ZZZ3: variants seen among roughly 807,000 people sequenced by gnomAD.
The protein encoded by ZZZ3 is zinc finger ZZ-type containing 3, also known as ZZ-type zinc finger-containing protein 3.
ZZZ3 carries 22 observed loss-of-function variants against 95.2 expected under a neutral mutation model. The observed-to-expected ratio is 0.23, with a 90% CI of 0.17 to 0.33. The LOEUF (loss-of-function observed/expected upper bound fraction) is 0.33, where lower values mean the gene tolerates loss of function less well. Among genes scored for constraint, ZZZ3 ranks in the 10% least tolerant of loss-of-function variants. ZZZ3 has a pLI of 1.00. For synonymous variants in ZZZ3, 335 were observed against 358.9 expected (o/e 0.93, Z 0.75); for missense variants, 885 against 1,066.5 (o/e 0.83, Z 2.37).
intron 5 of ZZZ3, among the ~76,000 whole-genome samples, chr1:77,618,231 G>A (rs1666505660): frequency 8.1e-6 from 1 of 122,742 alleles, no homozygotes; most frequent in Admixed American, 9.1e-5. Context: ...GACCAATGCA[G>A]CCTTTTTTTT....
At chr1:77,682,695 A>G (rs1189294654), upstream of ZZZ3, 1 of 152,090 alleles carries the variant, frequency 6.6e-6, no homozygotes, top group African/African-American at 2.4e-5. Context: ...CGCGATACAA[A>G]CCCACTCGCA....
chr1:77,601,416 T>C (rs762257878), intron 5 of ZZZ3, among the ~76,000 whole-genome samples: 1 of 152,122 alleles, frequency 6.6e-6, no homozygotes, highest in Admixed American at 6.6e-5. Context: ...AGAATCAAGT[T>C]ATTCAAGAAA....
At chr1:77,659,550 G>C (rs1031355515) in intron 1 of ZZZ3, among the ~76,000 whole-genome samples, 1 of 151,736 alleles carries the variant, frequency 6.6e-6, no homozygotes, top group Admixed American at 6.6e-5. Flanking sequence ...AGCCAGGCGT[G>C]GGGGCACGTG....
At chr1:77,578,960 T>C (rs565260532) in intron 10 of ZZZ3, 91 bp from the exon 11 acceptor site, 42 of 565,936 alleles carry the variant, frequency 7.4e-5, no homozygotes, top group Admixed American at 3.7e-4. Context: ...GAGTATCTAA[T>C]GAATGCTAAG....
intron 5 of ZZZ3, among the ~76,000 whole-genome samples, chr1:77,630,886 A>G (rs1667742814): frequency 3.3e-5 from 5 of 152,184 alleles, no homozygotes; most frequent in Admixed American, 3.3e-4. Flanking sequence ...ACCACTAGAA[A>G]TGTTCCTCAA....
At chr1:77,651,196 C>T (rs898844445) in intron 1 of ZZZ3, among the ~76,000 whole-genome samples, 2 of 151,956 alleles carry the variant, frequency 1.3e-5, no homozygotes, top group Admixed American at 6.6e-5. Flanking sequence ...CCAGCCTGGG[C>T]AACAAAGAGA....
At chr1:77,572,597 C>A (rs570691230) in intron 12 of ZZZ3, among the ~76,000 whole-genome samples, 3 of 152,060 alleles carry the variant, frequency 2.0e-5, no homozygotes, top group Non-Finnish European at 4.4e-5. Flanking sequence ...CTCGGCCTCC[C>A]AAAATGCTGG....
chr1:77,610,820 C>T (rs1190696468), intron 5 of ZZZ3, among the ~76,000 whole-genome samples: 1 of 151,052 alleles, frequency 6.6e-6, no homozygotes, highest in African/African-American at 2.4e-5. Context: ...ACCTCAACAC[C>T]CTCAACACAA....
chr1:77,563,082 T>C lies in ZZZ3; in HGVS notation c.*2558A>G, dbSNP rs1050924340. 6.6e-6 allele frequency: 1 copy of C among 152,166 alleles called. No individual in the cohort carries two copies. Among genetic ancestry groups the C allele is most frequent in the Non-Finnish European group, 1.5e-5 (1 of 67,998 alleles). The allele number at this position is 152,166 out of a possible 1,614,324, so 9.4% of individuals were successfully genotyped here. A position where few individuals can be genotyped will look rare whatever the true frequency, so the allele number is the denominator to read the frequency against. The stretch of plus-strand genomic sequence containing the variant: ...GTAAACACTGTATCAGTGTTTTCTA[T>C]TATTATGCATCACACAAAAGGAAAC... On this transcript the variant is annotated 3_prime_UTR_variant, in exon 15 of 15. Transcript: ENST00000370801.
chr1:77,654,796 T>A (rs1284567293), intron 1 of ZZZ3, among the ~76,000 whole-genome samples: 3 of 152,126 alleles, frequency 2.0e-5, no homozygotes, highest in Non-Finnish European at 4.4e-5. Context: ...AATTGGGTAA[T>A]TTGTGGAAAA....
intron 1 of ZZZ3, among the ~76,000 whole-genome samples, chr1:77,681,825 G>A (rs1672783259): frequency 6.6e-6 from 1 of 151,364 alleles, no homozygotes; most frequent in African/African-American, 2.4e-5. Context: ...CTTGAACCCG[G>A]GAGGCGGAGG....
At chr1:77,678,333 C>T (rs1672451449) in intron 1 of ZZZ3, among the ~76,000 whole-genome samples, 2 of 151,944 alleles carry the variant, frequency 1.3e-5, no homozygotes, top group Non-Finnish European at 2.9e-5. Flanking sequence ...AAGTTCCATA[C>T]ACAGTAGCAC....
At chr1:77,596,832 G>T (rs1476639992) in intron 5 of ZZZ3, among the ~76,000 whole-genome samples, 4 of 152,130 alleles carry the variant, frequency 2.6e-5, no homozygotes, top group Non-Finnish European at 4.4e-5. Flanking sequence ...AACAAGGGAA[G>T]GAGGCTAGAA....
intron 5 of ZZZ3, among the ~76,000 whole-genome samples, chr1:77,616,171 G>T (rs1015165507): frequency 6.6e-6 from 1 of 151,914 alleles, no homozygotes; most frequent in African/African-American, 2.4e-5. Context: ...TTCTTTAAAC[G>T]CCAAATGTTC....
intron 1 of ZZZ3, among the ~76,000 whole-genome samples, chr1:77,644,232 A>G (rs1163515535): frequency 6.6e-6 from 1 of 151,866 alleles, no homozygotes; most frequent in Non-Finnish European, 1.5e-5. Flanking sequence ...CGCCCATTTA[A>G]TTTTTGTACT....
intron 1 of ZZZ3, among the ~76,000 whole-genome samples, chr1:77,648,999 T>C (rs574775895): frequency 6.6e-6 from 1 of 152,148 alleles, no homozygotes; most frequent in South Asian, 2.1e-4. Context: ...TGGTGGTGTG[T>C]GCCTGTGGTC....
intron 4 of ZZZ3, among the ~76,000 whole-genome samples, chr1:77,635,502 T>G (rs554200685): frequency 6.9e-4 from 105 of 152,336 alleles, no homozygotes; most frequent in Non-Finnish European, 1.3e-3. Flanking sequence ...TAATATATTA[T>G]CATGAAGATT....
Position 77,581,084 on chromosome 1 carries a change from A to G in ZZZ3, c.1909-15T>C, listed in dbSNP as rs1277743347. ...CCTCTTATCATCTGCACATAAGACA[A>G]GGCTTTTGTCAGAGAGAAAATAACA... On this transcript the variant is annotated splice_polypyrimidine_tract_variant and intron_variant, in intron 8 of 14. Coordinates refer to ENST00000370801, the MANE Select transcript of ZZZ3 (RefSeq NM_015534.6). The G allele has an allele frequency of 1.2e-5, 20 of 1,610,416 alleles. No individual in the cohort carries two copies. Among genetic ancestry groups the G allele is most frequent in the Non-Finnish European group, 1.6e-5 (19 of 1,176,656 alleles).
upstream of ZZZ3, chr1:77,683,291 A>G (rs1332976024): frequency 7.2e-6 from 1 of 139,098 alleles, no homozygotes; most frequent in African/African-American, 2.7e-5. Flanking sequence ...GCAACGGGCC[A>G]CTTGGGGAGG....
Sources: allele counts gnomAD v4.1 joint callset (sites outside exome capture counted in the v4.1 genomes callset), GRCh38; gene constraint gnomAD v4.1.1; transcripts MANE v1.5; gene names NCBI Gene and HGNC (gene_info 2026-07-23, HGNC 2026-07-21).